SBK1: variants seen among roughly 807,000 people sequenced by gnomAD.
SBK1 encodes the protein serine/threonine-protein kinase SBK1.
Under a neutral mutation model 24.4 loss-of-function variants are expected in SBK1, and 11 were observed. The observed-to-expected ratio is 0.45, with a 90% confidence interval of 0.28 to 0.75. The LOEUF (loss-of-function observed/expected upper bound fraction) is 0.75. Ranked by LOEUF, SBK1 falls within the 30% of genes least tolerant of loss-of-function variation. The pLI, the probability that SBK1 is intolerant of heterozygous loss-of-function variation, is 0.12. For synonymous variants in SBK1, 308 were observed against 284.4 expected (o/e 1.08, Z -0.83); for missense variants, 467 against 620.5 (o/e 0.75, Z 2.63).
At chr16:28,300,345 G>A (rs1426968362) in intron 1 of SBK1, among the ~76,000 whole-genome samples, 2 of 151,756 alleles carry the variant, frequency 1.3e-5, no homozygotes, top group African/African-American at 4.8e-5. Context: ...TTTGAGATGG[G>A]ATCTCACTCT....
At chr16:28,285,280 G>C (rs996478673) in intron 1 of SBK1, 1 of 152,210 alleles carries the variant, frequency 6.6e-6, no homozygotes, top group Non-Finnish European at 1.5e-5. Context: ...ATAGGGCCGG[G>C]CTTGGTAGCT....
At chr16:28,267,003 T>C (rs1311936720) in intron 1 of SBK1, among the ~76,000 whole-genome samples, 1 of 151,828 alleles carries the variant, frequency 6.6e-6, no homozygotes, top group Non-Finnish European at 1.5e-5. Context: ...GCCTCCAGGG[T>C]TCAATCGATT....
intron 1 of SBK1, among the ~76,000 whole-genome samples, chr16:28,265,742 A>G (rs1339211405): frequency 6.6e-6 from 1 of 151,866 alleles, no homozygotes; most frequent in Non-Finnish European, 1.5e-5. Context: ...GGGAGAGTGA[A>G]GCAGGCGGAT....
At chr16:28,310,398 G>A (rs1402828979) in intron 1 of SBK1, among the ~76,000 whole-genome samples, 1 of 152,202 alleles carries the variant, frequency 6.6e-6, no homozygotes, top group Admixed American at 6.5e-5. Context: ...ACTGAGACTC[G>A]GCCCTCTTCT....
intron 1 of SBK1, among the ~76,000 whole-genome samples, chr16:28,267,921 G>T (rs1401603061): frequency 6.6e-6 from 1 of 152,200 alleles, no homozygotes; most frequent in African/African-American, 2.4e-5. Flanking sequence ...GCTGAACTGG[G>T]AGGATTGCTT....
intron 1 of SBK1, among the ~76,000 whole-genome samples, chr16:28,265,239 C>A (rs1251914187): frequency 6.6e-6 from 1 of 150,624 alleles, no homozygotes; most frequent in Non-Finnish European, 1.5e-5. Context: ...CAACATGAGA[C>A]CCCCATCTCT....
At chr16:28,261,214 T>G (rs771668188) in intron 1 of SBK1, among the ~76,000 whole-genome samples, 1 of 152,118 alleles carries the variant, frequency 6.6e-6, no homozygotes, top group Non-Finnish European at 1.5e-5. Flanking sequence ...AATGGTCTCA[T>G]GATAGAACCC....
intron 1 of SBK1, among the ~76,000 whole-genome samples, chr16:28,305,369 C>T (rs2044708943): frequency 6.6e-6 from 1 of 152,038 alleles, no homozygotes; most frequent in African/African-American, 2.4e-5. Flanking sequence ...TGTGCTACCA[C>T]ACCTGGCTAA....
In SBK1 at chr16:28,278,327, C is replaced by T. The variant is rs532549552; in HGVS notation, c.257+18825C>T. Among the ~76,000 whole-genome samples the T allele has an allele frequency of 4.2e-4, 64 of 152,058 alleles. 3 individuals carry two copies. In the South Asian group the frequency reaches 0.013, roughly 31 times the overall value. On this transcript the variant is annotated intron_variant, in intron 1 of 3. Transcript: ENST00000671413. Reference sequence around the variant, plus strand: ...AGAGGAGGCAGCCACCTCCCTCACCCCACCCCACCTCACCCACCCCGCCTT... The same window carrying T: ...AGAGGAGGCAGCCACCTCCCTCACCTCACCCCACCTCACCCACCCCGCCTT...
chr16:28,309,795 A>G (rs1392588395), intron 1 of SBK1, among the ~76,000 whole-genome samples: 2 of 152,184 alleles, frequency 1.3e-5, no homozygotes, highest in African/African-American at 4.8e-5. Flanking sequence ...GACTCAATGA[A>G]TGAAATTTTT....
rs113089790 is a variant in SBK1 at position 28,260,074 on chromosome 16, G to A, written c.257+572G>A. Among the ~76,000 whole-genome samples, 474 of 114,206 alleles carry A rather than the reference G, an allele frequency of 4.2e-3. 4 individuals carry two copies. The highest frequency in any genetic ancestry group is 0.013 in the African/African-American group (449 of 33,314). 74.9% of individuals were successfully genotyped at this position (114,206 alleles called of 152,430 possible). Reference sequence around the variant, plus strand: ...AATTCATACACGAAAATGCATGCATGTGTATTTGCTTGTGTGTGTGTGTGT... The same window carrying A: ...AATTCATACACGAAAATGCATGCATATGTATTTGCTTGTGTGTGTGTGTGT... On this transcript the variant is annotated intron_variant, in intron 1 of 3. Transcript: ENST00000671413.
chr16:28,298,171 G>A (rs1266132084), intron 1 of SBK1, among the ~76,000 whole-genome samples: 2 of 152,204 alleles, frequency 1.3e-5, no homozygotes, highest in African/African-American at 2.4e-5. Context: ...GGCCTGGAAA[G>A]GCCAGTTAAA....
In SBK1 at chr16:28,320,968, G is replaced by A. The variant is rs1357293526; in HGVS notation, c.*47G>A. The A allele has an allele frequency of 2.2e-6, 3 of 1,346,192 alleles. No homozygotes were observed. Among genetic ancestry groups the A allele is most frequent in the Non-Finnish European group, 2.8e-6 (3 of 1,053,662 alleles). The allele number at this position is 1,346,192 out of a possible 1,614,324, so 83.4% of individuals were successfully genotyped here. ...CCCGGGAGCAGCCCGGGCCCGCCCC[G>A]AGCCGGTGCCCGGTGCGGCGGTAGG... On this transcript the variant is annotated 3_prime_UTR_variant, in exon 4 of 4. Transcript: ENST00000341901. This position sits in a 1 kb window ranked among gnomAD's most constrained non-coding sequence, Gnocchi z 8.5.
intron 1 of SBK1, among the ~76,000 whole-genome samples, chr16:28,300,287 C>G (rs2044669948): frequency 6.7e-6 from 1 of 149,816 alleles, no homozygotes; most frequent in Admixed American, 6.8e-5. Flanking sequence ...CAGGACACAT[C>G]ACTTAAGCTT....
intron 1 of SBK1, among the ~76,000 whole-genome samples, chr16:28,275,317 T>C (rs528417714): frequency 6.6e-6 from 1 of 152,034 alleles, no homozygotes; most frequent in East Asian, 1.9e-4. Context: ...TCTTAAAAAA[T>C]AAGTGAGAAA....
Position 28,318,972 on chromosome 16 carries a change from C to T in SBK1, c.227-23C>T, listed in dbSNP as rs774427684. ...AGGCACTGGGAGAGGGGGCTTCAAC[C>T]CTGTTGCTGTTGCTCCCATCAGGCA... On this transcript the variant is annotated intron_variant, in intron 2 of 3. Transcript: ENST00000341901. The T allele has an allele frequency of 3.1e-6, 5 of 1,602,978 alleles. No homozygotes were observed. In the East Asian group the frequency reaches 1.1e-4, roughly 36 times the overall value.
chr16:28,302,847 G>T (rs1033055325), intron 1 of SBK1, among the ~76,000 whole-genome samples: 4 of 152,050 alleles, frequency 2.6e-5, no homozygotes, highest in African/African-American at 4.8e-5. Flanking sequence ...CTGCCCTCCA[G>T]CTGCTTAAGT....
chr16:28,291,626 G>GAGCT (rs2141574666), upstream of SBK1: 1 of 152,208 alleles, frequency 6.6e-6, no homozygotes, highest in East Asian at 1.9e-4. Context: ...GGGAAAGAGT[G>GAGCT]AGCTGCAGGG....
chr16:28,301,635 G>A lies in SBK1; in HGVS notation c.-8+8335G>A, dbSNP rs533969084. Among the ~76,000 whole-genome samples the A allele has an allele frequency of 6.4e-4, 98 of 152,334 alleles. No homozygotes were observed. The Middle Eastern group carries it at 0.01, about 16-fold the overall frequency. On this transcript the variant is annotated intron_variant, in intron 1 of 3. Coordinates refer to ENST00000341901, the MANE Select transcript of SBK1 (RefSeq NM_001024401.3). The stretch of plus-strand genomic sequence containing the variant: ...CCTTCTGCCTCAAGTGGGTTCAGGG[G>A]TGAGATTCAGCATAGCCAAATGGCC...
Sources: allele counts gnomAD v4.1 joint callset (sites outside exome capture counted in the v4.1 genomes callset), GRCh38; gene constraint gnomAD v4.1.1; non-coding constraint Gnocchi (gnomAD v3.1); transcripts MANE v1.5; gene names NCBI Gene and HGNC (gene_info 2026-07-23, HGNC 2026-07-21).